Variants in MEOX2 observed in about 807,000 individuals in gnomAD.
The protein encoded by MEOX2 is homeobox protein MOX-2.
Under a neutral mutation model 27.0 loss-of-function variants are expected in MEOX2, and 11 were observed. The observed-to-expected ratio is 0.41, with a 90% CI of 0.26 to 0.68. The LOEUF is 0.68. Ranked by LOEUF, MEOX2 falls within the 30% of genes least tolerant of loss-of-function variation. MEOX2 has a pLI of 0.33. For missense variants in MEOX2, 436 were observed against 385.4 expected, an observed-to-expected ratio of 1.13 and a Z score of -1.10; for synonymous variants, 189 against 155.4, an observed-to-expected ratio of 1.22 and a Z score of -1.61.
At chr7:15,653,058 T>C (rs1289395872) in intron 1 of MEOX2, among the ~76,000 whole-genome samples, 1 of 152,094 alleles carries the variant, frequency 6.6e-6, no homozygotes, top group Admixed American at 6.6e-5. Context: ...TGTCAAACTT[T>C]TTTCCAGAGT....
chr7:15,626,007 G>A (rs1182914967), intron 2 of MEOX2, among the ~76,000 whole-genome samples: 1 of 152,114 alleles, frequency 6.6e-6, no homozygotes, highest in Non-Finnish European at 1.5e-5. Flanking sequence ...TAAAGGGGCA[G>A]AAATATTTAC....
intron 1 of MEOX2, among the ~76,000 whole-genome samples, chr7:15,669,320 A>C (rs1056494839): frequency 2.0e-5 from 3 of 152,254 alleles, no homozygotes; most frequent in Non-Finnish European, 2.9e-5. Flanking sequence ...TATTTGGCTC[A>C]AGTGCTATAA....
chr7:15,651,504 C>G (rs1781732087), intron 1 of MEOX2, among the ~76,000 whole-genome samples: 1 of 151,872 alleles, frequency 6.6e-6, no homozygotes, highest in African/African-American at 2.4e-5. Context: ...ATAATAATAT[C>G]TAACCTCTAG....
At chr7:15,683,289 T>A (rs1462254700) in intron 1 of MEOX2, among the ~76,000 whole-genome samples, 2 of 152,040 alleles carry the variant, frequency 1.3e-5, no homozygotes, top group Non-Finnish European at 2.9e-5. Flanking sequence ...GACTTTACCC[T>A]GGATTTATGT....
chr7:15,641,870 A>G (rs1781566834), intron 1 of MEOX2, among the ~76,000 whole-genome samples: 1 of 152,050 alleles, frequency 6.6e-6, no homozygotes, highest in South Asian at 2.1e-4. Flanking sequence ...TCCTTCATTT[A>G]TGAAGCTCAG....
intron 1 of MEOX2, among the ~76,000 whole-genome samples, chr7:15,643,507 C>A (rs938850560): frequency 6.6e-6 from 1 of 152,086 alleles, no homozygotes; most frequent in East Asian, 1.9e-4. Context: ...GAGGGGGCTG[C>A]GGTTTGCAGC....
At chr7:15,622,221 T>C (rs756030579) in intron 2 of MEOX2, among the ~76,000 whole-genome samples, 2 of 152,168 alleles carry the variant, frequency 1.3e-5, no homozygotes, top group Non-Finnish European at 2.9e-5. Flanking sequence ...ATACATATAG[T>C]TAGAAGTATG....
intron 2 of MEOX2, among the ~76,000 whole-genome samples, chr7:15,615,163 G>C (rs1583734761): frequency 8.5e-6 from 1 of 117,890 alleles, no homozygotes; most frequent in Non-Finnish European, 1.8e-5. Flanking sequence ...GGGATAGACA[G>C]CTATACTATT....
intron 2 of MEOX2, among the ~76,000 whole-genome samples, chr7:15,620,483 G>A (rs561105422): frequency 6.6e-6 from 1 of 152,270 alleles, no homozygotes; most frequent in African/African-American, 2.4e-5. Flanking sequence ...TGAGGCAGGA[G>A]AATGGCCTGA....
intron 1 of MEOX2, among the ~76,000 whole-genome samples, chr7:15,646,578 T>C (rs1781653576): frequency 1.3e-5 from 2 of 152,048 alleles, no homozygotes; most frequent in Non-Finnish European, 2.9e-5. Flanking sequence ...ATCCTTATTA[T>C]TTTACAAACA....
At chr7:15,615,683 T>G (rs1781113359) in intron 2 of MEOX2, among the ~76,000 whole-genome samples, 1 of 152,018 alleles carries the variant, frequency 6.6e-6, no homozygotes, top group African/African-American at 2.4e-5. Flanking sequence ...AAATTTTACT[T>G]CTCTCTACCT....
chr7:15,650,849 G>T (rs899761788), intron 1 of MEOX2, among the ~76,000 whole-genome samples: 9 of 152,030 alleles, frequency 5.9e-5, no homozygotes, highest in African/African-American at 2.2e-4. Flanking sequence ...GACAACAGAG[G>T]CACTCGATCT....
chr7:15,622,748 G>T (rs1248614547), intron 2 of MEOX2, among the ~76,000 whole-genome samples: 2 of 152,074 alleles, frequency 1.3e-5, no homozygotes, highest in Non-Finnish European at 2.9e-5. Flanking sequence ...GCCATGCTAT[G>T]GTCTAAATAT....
At chr7:15,655,518 T>A (rs1376884453) in intron 1 of MEOX2, among the ~76,000 whole-genome samples, 1 of 151,710 alleles carries the variant, frequency 6.6e-6, no homozygotes, top group Non-Finnish European at 1.5e-5. Context: ...TGTTATAAAT[T>A]TCCATCTTGG....
In MEOX2 at chr7:15,612,198, G is replaced by C; in HGVS notation, c.*189C>G. 3.3e-6 allele frequency: 2 copies of C among 603,256 alleles called. No homozygotes were observed. Among genetic ancestry groups the C allele is most frequent in the Non-Finnish European group, 5.9e-6 (2 of 341,440 alleles). 37.4% of individuals were successfully genotyped at this position (603,256 alleles called of 1,614,324 possible). ...CAAGTTCACCTTCTCCATCTTCACT[G>C]TGGAAGCTCTTTAATAAGTGGCACT... On this transcript the variant is annotated 3_prime_UTR_variant, in exon 3 of 3. Transcript: ENST00000262041.
intron 1 of MEOX2, chr7:15,668,352 T>G (rs2115388920): frequency 6.6e-6 from 1 of 152,376 alleles, no homozygotes; most frequent in East Asian, 1.9e-4. Flanking sequence ...TTTCTCTGGC[T>G]TTACTTTATT....
intron 1 of MEOX2, chr7:15,678,922 G>A (rs752099203): frequency 1.3e-5 from 2 of 152,090 alleles, no homozygotes; most frequent in Non-Finnish European, 2.9e-5. Flanking sequence ...AGCATTATGG[G>A]ATTCTCTTGA....
In MEOX2 at chr7:15,662,312, T is replaced by C. The variant is rs528534919; in HGVS notation, c.517+23574A>G. Among the ~76,000 whole-genome samples, 15 of 152,166 alleles carry C rather than the reference T, an allele frequency of 9.9e-5. 1 individual carries two copies. The highest frequency in any genetic ancestry group is 6.8e-3 in the Middle Eastern group (2 of 294). ...TTTCTTTAGGGATGTGTATTAGTTATAGGGGTTTTCAGTTCTCCATTTTCT... is the reference window on the plus strand; with the variant it reads ...TTTCTTTAGGGATGTGTATTAGTTACAGGGGTTTTCAGTTCTCCATTTTCT... On this transcript the variant is annotated intron_variant, in intron 1 of 2. Transcript: ENST00000262041.
At chr7:15,624,101 G>T (rs746163275) in intron 2 of MEOX2, among the ~76,000 whole-genome samples, 13 of 152,172 alleles carry the variant, frequency 8.5e-5, no homozygotes, top group Non-Finnish European at 1.5e-4. Context: ...TGGGGAGATT[G>T]TTACTTACTT....
Sources: allele counts gnomAD v4.1 joint callset (sites outside exome capture counted in the v4.1 genomes callset), GRCh38; gene constraint gnomAD v4.1.1; transcripts MANE v1.5; gene names NCBI Gene and HGNC (gene_info 2026-07-23, HGNC 2026-07-21).